The following DDC variants were observed in gnomAD, a reference collection of about 807,000 sequenced individuals.
DDC encodes the protein aromatic-L-amino-acid decarboxylase.
In DDC, 43 loss-of-function variants were observed where a neutral mutation model predicts 60.0. That is an observed-to-expected ratio of 0.72 (90% CI 0.56 to 0.92). The LOEUF is 0.92. Ranked by LOEUF, DDC falls within the 40% of genes least tolerant of loss-of-function variation. DDC has a pLI of 0.00. For missense variants in DDC, 573 were observed against 620.2 expected (o/e 0.92, Z 0.81); for synonymous variants, 232 against 234.6 (o/e 0.99, Z 0.10).
chr7:50,541,063 G>A (rs958483267), intron 2 of DDC, among the ~76,000 whole-genome samples: 14 of 152,232 alleles, frequency 9.2e-5, no homozygotes, highest in Admixed American at 9.2e-4. Context: ...ACAACCCTCA[G>A]CCCCTGTGCA....
intron 9 of DDC, among the ~76,000 whole-genome samples, chr7:50,491,871 T>C (rs1470957008): frequency 1.3e-5 from 2 of 152,164 alleles, no homozygotes; most frequent in African/African-American, 2.4e-5. Flanking sequence ...AAAATCATCT[T>C]TGGGGAAAGG....
In DDC at chr7:50,460,056, T is replaced by TG. The variant is rs1318436052; in HGVS notation, c.*19-1214dup. On this transcript the variant is annotated intron_variant, in intron 14 of 14. Coordinates refer to ENST00000444124, the MANE Select transcript of DDC (RefSeq NM_001082971.2). ...CCAGCTGCCCCGTCCGGGAAGGAGG[T>TG]GGGGGGGGTCAGCCCCCCGCCCGGC... 3.5e-3 allele frequency among the ~76,000 whole-genome samples: 288 copies of TG among 82,078 alleles called. 5 individuals are homozygous for TG. Among genetic ancestry groups the TG allele is most frequent in the Middle Eastern group, 0.011 (1 of 94 alleles). 53.8% of individuals were successfully genotyped at this position (82,078 alleles called of 152,430 possible). A position where few individuals can be genotyped will look rare whatever the true frequency, so the allele number is the denominator to read the frequency against.
chr7:50,510,173 C>T (rs1585205876), intron 6 of DDC, among the ~76,000 whole-genome samples: 1 of 152,086 alleles, frequency 6.6e-6, no homozygotes, highest in Middle Eastern at 3.4e-3. Context: ...GAAGGGGTTT[C>T]ACCGTGTTAG....
At chr7:50,530,127 G>A (rs1327237955) in intron 4 of DDC, among the ~76,000 whole-genome samples, 2 of 152,086 alleles carry the variant, frequency 1.3e-5, no homozygotes, top group African/African-American at 4.8e-5. Flanking sequence ...ATGGTGGCGT[G>A]CCTGGTAGTC....
At chr7:50,495,280 A>G in intron 9 of DDC, 70 bp downstream of exon 9, 1 of 1,213,236 alleles carries the variant, frequency 8.2e-7, no homozygotes, top group Non-Finnish European at 1.2e-6. Context: ...TGGCTCTGGC[A>G]TCTTCCCTGC....
intron 9 of DDC, among the ~76,000 whole-genome samples, chr7:50,493,395 A>G (rs2043053363): frequency 6.6e-6 from 1 of 152,140 alleles, no homozygotes. Context: ...GCCCCTTGCA[A>G]AACAAAAGCA....
chr7:50,538,272 C>T (rs903270501), intron 3 of DDC, among the ~76,000 whole-genome samples: 1 of 152,184 alleles, frequency 6.6e-6, no homozygotes, highest in African/African-American at 2.4e-5. Flanking sequence ...AGAAAGCCCA[C>T]TGGTGGACTT....
intron 6 of DDC, among the ~76,000 whole-genome samples, chr7:50,526,166 C>A (rs1486365197): frequency 6.6e-6 from 1 of 152,108 alleles, no homozygotes; most frequent in Non-Finnish European, 1.5e-5. Context: ...AAAAAGCAAG[C>A]AGCACCTCCA....
rs117436059 is a variant in DDC, at chr7:50,504,003, G to C, written c.771C>G (p.Val257=). 12 of 1,613,156 alleles carry C rather than the reference G, an allele frequency of 7.4e-6. No homozygotes were observed. The highest frequency in any genetic ancestry group is 8.5e-7 in the Non-Finnish European group (1 of 1,179,084). Residue 257 remains valine (V), a synonymous_variant, in exon 7 of 15, where the codon GTC becomes GTG. Coordinates refer to ENST00000444124, the MANE Select transcript of DDC (RefSeq NM_001082971.2). Reference sequence around the variant, plus strand: ...GAATCGGATACTTACAGATAGGACCGACTTCTAAGAGATTGTCAAAGGAGC... The same window carrying C: ...GAATCGGATACTTACAGATAGGACCCACTTCTAAGAGATTGTCAAAGGAGC... The part of the protein sequence containing the change: ...TCCSFDNLLE[V]GPICNKEDIW...
At position 50,541,818 on chromosome 7, in the gene DDC, C is replaced by T. The variant is rs572756859; in HGVS notation, c.202-1790G>A. On this transcript the variant is annotated intron_variant, in intron 2 of 14. Coordinates refer to ENST00000444124, the MANE Select transcript of DDC (RefSeq NM_001082971.2). ...ACATTTATTTCTCAATAGCACTCAT[C>T]GTTAAATATATGTTGTCTAAGATGT... Among the ~76,000 whole-genome samples the T allele has an allele frequency of 5.3e-5, 8 of 152,318 alleles. No homozygotes were observed. In the South Asian group the frequency reaches 6.2e-4, roughly 12 times the overall value.
At chr7:50,513,888 A>C (rs1436179781) in intron 6 of DDC, among the ~76,000 whole-genome samples, 2 of 150,264 alleles carry the variant, frequency 1.3e-5, no homozygotes, top group Admixed American at 1.3e-4. Context: ...GTCCCTACCC[A>C]CCCTAGTAGC....
At chr7:50,500,371 C>T (rs985776989) in intron 7 of DDC, among the ~76,000 whole-genome samples, 5 of 152,156 alleles carry the variant, frequency 3.3e-5, no homozygotes, top group Admixed American at 2.0e-4. Flanking sequence ...AATACCATCA[C>T]CTTAGGTTAG....
chr7:50,482,026 T>C (rs574752446), intron 9 of DDC, among the ~76,000 whole-genome samples: 1 of 152,356 alleles, frequency 6.6e-6, no homozygotes, highest in South Asian at 2.1e-4. Context: ...GATGTGGACA[T>C]GGGACCATCC....
At chr7:50,475,886 C>T (rs939238483) in intron 11 of DDC, among the ~76,000 whole-genome samples, 1 of 152,044 alleles carries the variant, frequency 6.6e-6, no homozygotes, top group Admixed American at 6.6e-5. Flanking sequence ...GATGGGGTTT[C>T]ACCATGTTGG....
intron 1 of DDC, among the ~76,000 whole-genome samples, chr7:50,558,388 C>A (rs1258501571): frequency 6.6e-6 from 1 of 152,176 alleles, no homozygotes; most frequent in Non-Finnish European, 1.5e-5. Flanking sequence ...CTTCTACATT[C>A]ACAGTGAATG....
rs778824324 is a variant in DDC, at chr7:50,537,987, G to A, written c.316-8C>T. 57 of 1,614,120 alleles carry A rather than the reference G, an allele frequency of 3.5e-5. No individual in the cohort carries two copies. The highest frequency in any genetic ancestry group is 4.7e-5 in the Non-Finnish European group (56 of 1,180,012). ...GCATGCTGGGCTTGCCGCCTGTCGT[G>A]GGGGAAGGGAAGGGATTAACCGAGG... On this transcript the variant is annotated splice_polypyrimidine_tract_variant and splice_region_variant and intron_variant, in intron 3 of 14. Transcript: ENST00000444124.
At chr7:50,530,234 G>A (rs2044161267) in intron 4 of DDC, among the ~76,000 whole-genome samples, 1 of 152,002 alleles carries the variant, frequency 6.6e-6, no homozygotes, top group Non-Finnish European at 1.5e-5. Context: ...CAGCCTGGGC[G>A]ACAGAGTGAG....
chr7:50,505,332 AG>A (rs1172940284), intron 6 of DDC, among the ~76,000 whole-genome samples: 2 of 152,276 alleles, frequency 1.3e-5, no homozygotes, highest in African/African-American at 4.8e-5. Flanking sequence ...ACAAAACCAA[AG>A]GGCCTAATTG....
At position 50,527,221 on chromosome 7, in the gene DDC, A is replaced by C. The variant is rs112654002; in HGVS notation, c.714+916T>G. On this transcript the variant is annotated intron_variant, in intron 6 of 14. Coordinates refer to ENST00000444124, the MANE Select transcript of DDC (RefSeq NM_001082971.2). ...TAAGATTTACTTTACGACATACGCT[A>C]TAAGTGGTTCTTGCCAGCATTTGTC... is the stretch of plus-strand genomic sequence containing the variant. 4.0e-5 allele frequency among the ~76,000 whole-genome samples: 6 copies of C among 150,934 alleles called. No homozygotes were observed. In the East Asian group the frequency reaches 1.2e-3, roughly 29 times the overall value.
Sources: gnomAD v4.1 joint callset for allele counts (sites outside exome capture counted in the v4.1 genomes callset) on GRCh38, gnomAD v4.1.1 for gene constraint, MANE v1.5 for transcripts, NCBI Gene and HGNC (gene_info 2026-07-23, HGNC 2026-07-21) for gene names.